The following EYS variants were observed in gnomAD, a reference collection of about 807,000 sequenced individuals.
The protein encoded by EYS is EGF-like photoreceptor maintenance factor.
In EYS, 250 loss-of-function variants were observed where a neutral mutation model predicts 282.1. The observed-to-expected ratio is 0.89, with a 90% CI of 0.80 to 0.98. The LOEUF (loss-of-function observed/expected upper bound fraction) is 0.98. Ranked by LOEUF, EYS falls within the 50% of genes least tolerant of loss-of-function variation. The pLI is 0.00. For synonymous variants in EYS, 1,355 were observed against 1,282.9 expected (o/e 1.06, Z -1.20); for missense variants, 4,016 against 3,709.0 (o/e 1.08, Z -2.15).
At chr6:65,573,200 G>A (rs1764538598) in intron 2 of EYS, among the ~76,000 whole-genome samples, 1 of 151,916 alleles carries the variant, frequency 6.6e-6, no homozygotes, top group South Asian at 2.1e-4. Flanking sequence ...GGCCAGAGAG[G>A]GCTCAAGAGC....
chr6:65,643,431 G>C (rs976504461), intron 1 of EYS, among the ~76,000 whole-genome samples: 1 of 152,122 alleles, frequency 6.6e-6, no homozygotes, highest in South Asian at 2.1e-4. Context: ...GCTACCACCC[G>C]GTGGTCTTTC....
At chr6:64,771,857 C>T (rs1310246354) in intron 22 of EYS, among the ~76,000 whole-genome samples, 1 of 151,784 alleles carries the variant, frequency 6.6e-6, no homozygotes, top group East Asian at 1.9e-4. Flanking sequence ...AATGTAAGAA[C>T]TAGTCACCTC....
intron 22 of EYS, among the ~76,000 whole-genome samples, chr6:64,779,641 G>A (rs1184972737): frequency 1.3e-5 from 2 of 152,068 alleles, no homozygotes; most frequent in Admixed American, 1.3e-4. Context: ...ATGGACTTTA[G>A]TTAACAATAA....
At chr6:64,416,504 A>C (rs1774061135) in intron 28 of EYS, among the ~76,000 whole-genome samples, 1 of 148,712 alleles carries the variant, frequency 6.7e-6, no homozygotes, top group Admixed American at 6.7e-5. Flanking sequence ...TGAGTTCTTT[A>C]TAAGCCGTTA....
intron 2 of EYS, among the ~76,000 whole-genome samples, chr6:65,549,152 A>G (rs1488594872): frequency 1.3e-5 from 2 of 152,124 alleles, no homozygotes; most frequent in Non-Finnish European, 2.9e-5. Flanking sequence ...ATGGACACAA[A>G]CCGGCACTGG....
intron 22 of EYS, among the ~76,000 whole-genome samples, chr6:64,672,372 A>T (rs1037959856): frequency 9.9e-5 from 15 of 152,252 alleles, no homozygotes; most frequent in Non-Finnish European, 1.5e-4. Flanking sequence ...TTCCCCTGTC[A>T]TGAACTCTAT....
At chr6:64,698,341 T>G (rs1308500817) in intron 22 of EYS, among the ~76,000 whole-genome samples, 1 of 151,532 alleles carries the variant, frequency 6.6e-6, no homozygotes, top group Non-Finnish European at 1.5e-5. Flanking sequence ...AAAACAGAAC[T>G]AAAGGAAATT....
chr6:64,541,404 T>C (rs976319775), intron 26 of EYS, among the ~76,000 whole-genome samples: 3 of 152,224 alleles, frequency 2.0e-5, no homozygotes, highest in Admixed American at 2.0e-4. Flanking sequence ...TTGAGATTTT[T>C]CTAACTTTAC....
chr6:64,544,494 C>A (rs542155650), intron 26 of EYS, among the ~76,000 whole-genome samples: 1 of 152,184 alleles, frequency 6.6e-6, no homozygotes, highest in Admixed American at 6.5e-5. Flanking sequence ...TGAAGTAGCA[C>A]CAGTCCCTGA....
chr6:63,790,463 A>G (rs1303525968), intron 37 of EYS, among the ~76,000 whole-genome samples: 1 of 152,212 alleles, frequency 6.6e-6, no homozygotes, highest in African/African-American at 2.4e-5. Flanking sequence ...TGAGTCTAAT[A>G]TATACAGTCA....
chr6:65,055,881 C>T (rs930525597), intron 13 of EYS, among the ~76,000 whole-genome samples: 1 of 151,998 alleles, frequency 6.6e-6, no homozygotes, highest in Admixed American at 6.6e-5. Context: ...TGTCAGACTT[C>T]TCCACTGTAA....
chr6:63,893,000 A>C (rs1262084388), intron 35 of EYS, among the ~76,000 whole-genome samples: 1 of 152,122 alleles, frequency 6.6e-6, no homozygotes, highest in Non-Finnish European at 1.5e-5. Flanking sequence ...CTGGTCATTA[A>C]AGAAATACAA....
chr6:65,299,149 C>T (rs1768745965), intron 11 of EYS, among the ~76,000 whole-genome samples: 1 of 152,050 alleles, frequency 6.6e-6, no homozygotes, highest in Admixed American at 6.6e-5. Flanking sequence ...TTCTGCATAT[C>T]ATAAAATGTT....
chr6:65,444,225 T>G (rs1768564228), intron 5 of EYS, among the ~76,000 whole-genome samples: 1 of 152,038 alleles, frequency 6.6e-6, no homozygotes, highest in African/African-American at 2.4e-5. Flanking sequence ...TTTACTAATT[T>G]CAGGCACTAT....
At chr6:64,171,905 T>A (rs1324194108) in intron 31 of EYS, among the ~76,000 whole-genome samples, 2 of 152,020 alleles carry the variant, frequency 1.3e-5, no homozygotes, top group African/African-American at 4.8e-5. Context: ...AGTCTGAGAG[T>A]CACACTGCTC....
intron 13 of EYS, among the ~76,000 whole-genome samples, chr6:65,057,088 T>C (rs1009800136): frequency 5.9e-5 from 9 of 151,950 alleles, no homozygotes; most frequent in Non-Finnish European, 1.2e-4. Flanking sequence ...AAGTACTCAA[T>C]GAATTAGTAT....
At chr6:64,176,398 C>T (rs568988198) in intron 31 of EYS, among the ~76,000 whole-genome samples, 38 of 151,966 alleles carry the variant, frequency 2.5e-4, no homozygotes, top group African/African-American at 5.5e-4. Flanking sequence ...CAACTAATTT[C>T]GAATAGTTTT....
intron 22 of EYS, among the ~76,000 whole-genome samples, chr6:64,780,398 A>G (rs1773822006): frequency 6.6e-6 from 1 of 152,194 alleles, no homozygotes; most frequent in Non-Finnish European, 1.5e-5. Flanking sequence ...ATTAATCTAA[A>G]CGAAATAACT....
At chr6:63,780,093 C>A (rs1162979592) in intron 39 of EYS, among the ~76,000 whole-genome samples, 4 of 152,192 alleles carry the variant, frequency 2.6e-5, no homozygotes, top group South Asian at 2.1e-4. Flanking sequence ...TTTTTTATGG[C>A]TGCATAGTAT....
Sources: allele counts gnomAD v4.1 joint callset (sites outside exome capture counted in the v4.1 genomes callset), GRCh38; gene constraint gnomAD v4.1.1; transcripts MANE v1.5; gene names NCBI Gene and HGNC (gene_info 2026-07-23, HGNC 2026-07-21).